The following SHC4 variants were observed in gnomAD, a reference collection of about 807,000 sequenced individuals.
SHC4 encodes SHC-transforming protein 4.
SHC4 carries 41 observed loss-of-function variants against 69.4 expected under a neutral mutation model. The observed-to-expected ratio is 0.59, with a 90% CI of 0.46 to 0.77. The LOEUF (loss-of-function observed/expected upper bound fraction) is 0.77, where lower values mean the gene tolerates loss of function less well. Among genes scored for constraint, SHC4 ranks in the 30% least tolerant of loss-of-function variants. The pLI, the probability that SHC4 is intolerant of heterozygous loss-of-function variation, is 0.00. For missense variants in SHC4, 777 were observed against 783.8 expected (o/e 0.99, Z 0.10); for synonymous variants, 318 against 299.3 (o/e 1.06, Z -0.64).
chr15:48,917,143 C>A (rs1167994000), intron 2 of SHC4, among the ~76,000 whole-genome samples: 1 of 151,872 alleles, frequency 6.6e-6, no homozygotes, highest in African/African-American at 2.4e-5. Context: ...AAGAGGTAGC[C>A]ATCCTTAGAG....
intron 2 of SHC4, among the ~76,000 whole-genome samples, chr15:48,916,273 T>TCACA (rs71120648): frequency 3.5e-4 from 50 of 142,544 alleles, no homozygotes; most frequent in Middle Eastern, 3.6e-3. Flanking sequence ...TGATGGTTGC[T>TCACA]CACACACACA....
chr15:48,825,266 TAGAC>T lies in SHC4; in HGVS notation c.*701_*704del, dbSNP rs1898665422. 6.6e-6 allele frequency: 1 copy of T among 152,162 alleles called. No homozygotes were observed. The allele number at this position is 152,162 out of a possible 1,614,324, so 9.4% of individuals were successfully genotyped here. On this transcript the variant is annotated 3_prime_UTR_variant, in exon 12 of 12. Transcript: ENST00000332408. ...TCTTCAGCTTGTCACATGCTGTATT[TAGAC>T]AGTCTGAATAGCAAACACTGAGAAA... is the stretch of plus-strand genomic sequence containing the variant.
intron 1 of SHC4, chr15:48,946,591 C>T (rs1042719157): frequency 4.6e-5 from 45 of 984,172 alleles, no homozygotes; most frequent in Admixed American, 1.2e-4. Flanking sequence ...AGATTTGTCA[C>T]ACATCCCAGG....
intron 1 of SHC4, among the ~76,000 whole-genome samples, chr15:48,954,483 C>T (rs1220988925): frequency 6.6e-6 from 1 of 152,142 alleles, no homozygotes; most frequent in African/African-American, 2.4e-5. Context: ...TACAGGTGGT[C>T]CTCAGCAAAC....
At chr15:48,878,101 G>A in intron 4 of SHC4, 2 of 1,499,348 alleles carry the variant, frequency 1.3e-6, no homozygotes, top group Non-Finnish European at 1.8e-6. Flanking sequence ...CAGCCTTTGC[G>A]CACGCGCACG....
rs1567057885 is a variant in SHC4, at chr15:48,872,115, TAG to T, written c.866_867del (p.Ser289TyrfsTer10). On this transcript the variant is annotated frameshift_variant, in exon 5 of 12. Transcript: ENST00000332408. LOFTEE classifies it high-confidence loss of function. Reference protein sequence around the residue: ...QQIIANHHMQSISFASGGDPD... With the variant: ...QQIIANHHMQXISFASGGDPD... ...GGATCCCCTCCAGAGGCAAATGAAATAGACTGCATATGATGATTTGCAATAAT... is the reference window on the plus strand; with the variant it reads ...GGATCCCCTCCAGAGGCAAATGAAATACTGCATATGATGATTTGCAATAAT... The T allele has an allele frequency of 6.3e-7, 1 of 1,593,432 alleles. No individual in the cohort carries two copies.
chr15:48,947,529 T>C (rs1901297101), intron 1 of SHC4, among the ~76,000 whole-genome samples: 1 of 152,206 alleles, frequency 6.6e-6, no homozygotes, highest in Non-Finnish European at 1.5e-5. Flanking sequence ...AGTCATTGCT[T>C]GTCATCCTTT....
rs141246019 is a variant in SHC4 at position 48,939,645 on chromosome 15, T to C, written c.586-14696A>G. On this transcript the variant is annotated intron_variant, in intron 1 of 11. Coordinates refer to ENST00000332408, the MANE Select transcript of SHC4 (RefSeq NM_203349.4). ...TACACTATGCTGAATGTCTGAGGAC[T>C]GTAACCAAGTTTCAGGCCACCCTCG... 6.9e-4 allele frequency among the ~76,000 whole-genome samples: 105 copies of C among 152,352 alleles called. 1 individual carries two copies. Among genetic ancestry groups the C allele is most frequent in the African/African-American group, 2.4e-3 (98 of 41,586 alleles).
At chr15:48,892,478 C>G (rs2141006906) in intron 2 of SHC4, among the ~76,000 whole-genome samples, 1 of 152,142 alleles carries the variant, frequency 6.6e-6, no homozygotes, top group South Asian at 2.1e-4. Flanking sequence ...AAGGATAACA[C>G]AGATAGTTGG....
Position 48,829,104 on chromosome 15 carries a change from C to T in SHC4, c.1738-2978G>A, listed in dbSNP as rs141535396. On this transcript the variant is annotated intron_variant, in intron 11 of 11. Coordinates refer to ENST00000332408, the MANE Select transcript of SHC4 (RefSeq NM_203349.4). ...TGCCTCTAGTTTCATTCCACTGATA[C>T]TTGTTATGATGTCAGCCTCTTAAAT... Among the ~76,000 whole-genome samples, 186 of 152,262 alleles carry T rather than the reference C, an allele frequency of 1.2e-3. 1 individual carries two copies. Among genetic ancestry groups the T allele is most frequent in the African/African-American group, 4.2e-3 (173 of 41,550 alleles).
chr15:48,857,842 AT>A, intron 6 of SHC4, 27 bp from the exon 7 acceptor site: 1 of 1,460,562 alleles, frequency 6.8e-7, no homozygotes, highest in South Asian at 1.6e-5. Flanking sequence ...AAAAAATAAT[AT>A]TATAATAAAT....
chr15:48,900,890 C>T (rs1900308657), intron 2 of SHC4, among the ~76,000 whole-genome samples: 1 of 152,190 alleles, frequency 6.6e-6, no homozygotes, highest in Non-Finnish European at 1.5e-5. Flanking sequence ...GGTTGAGAAT[C>T]ACTCTAGCAG....
chr15:48,943,496 A>G (rs1901213992), intron 1 of SHC4, among the ~76,000 whole-genome samples: 1 of 152,060 alleles, frequency 6.6e-6, no homozygotes, highest in South Asian at 2.1e-4. Context: ...TTATCCCTTT[A>G]TCCATCAGTG....
chr15:48,942,699 T>G (rs1032414397), intron 1 of SHC4, among the ~76,000 whole-genome samples: 49 of 152,314 alleles, frequency 3.2e-4, no homozygotes, highest in African/African-American at 1.2e-3. Context: ...CATAGATTGA[T>G]GTAAGTAATC....
intron 2 of SHC4, among the ~76,000 whole-genome samples, chr15:48,921,503 T>A (rs1900753430): frequency 6.6e-6 from 1 of 152,004 alleles, no homozygotes; most frequent in South Asian, 2.1e-4. Context: ...CCTGGCTAAT[T>A]TTGTATTTTT....
At chr15:48,848,816 T>C (rs533557402) in intron 9 of SHC4, among the ~76,000 whole-genome samples, 3 of 152,296 alleles carry the variant, frequency 2.0e-5, no homozygotes, top group African/African-American at 7.2e-5. Context: ...TTTTTGGAGA[T>C]GGGTGTTTTA....
chr15:48,888,609 T>C (rs1489492120), intron 3 of SHC4, among the ~76,000 whole-genome samples: 1 of 152,108 alleles, frequency 6.6e-6, no homozygotes, highest in African/African-American at 2.4e-5. Context: ...AGGGTTAAGA[T>C]GAGGCTGGGA....
chr15:48,855,759 G>A (rs1899300816), intron 8 of SHC4, among the ~76,000 whole-genome samples, 194 bp downstream of exon 8: 1 of 152,216 alleles, frequency 6.6e-6, no homozygotes, highest in Admixed American at 6.5e-5. Context: ...GAGATCATCT[G>A]CTGAGGCTAC....
intron 9 of SHC4, among the ~76,000 whole-genome samples, chr15:48,847,028 T>A (rs1899107174): frequency 6.6e-6 from 1 of 151,772 alleles, no homozygotes; most frequent in South Asian, 2.1e-4. Context: ...TCCCCTTTTT[T>A]TTTTTCATAT....
Sources: allele counts gnomAD v4.1 joint callset (sites outside exome capture counted in the v4.1 genomes callset), GRCh38; gene constraint gnomAD v4.1.1; transcripts MANE v1.5; gene names NCBI Gene and HGNC (gene_info 2026-07-23, HGNC 2026-07-21).